The following PKM variants were observed in gnomAD, a reference collection of about 807,000 sequenced individuals.
PKM encodes the protein pyruvate kinase M1/2, also known as pyruvate kinase PKM.
PKM carries 18 observed loss-of-function variants against 49.8 expected under a neutral mutation model. That is an observed-to-expected ratio of 0.36 (90% CI 0.25 to 0.54). The LOEUF is 0.54. PKM is among the 20% of genes least tolerant of loss of function. PKM has a pLI of 0.89. For synonymous variants in PKM, 239 were observed against 261.8 expected, an observed-to-expected ratio of 0.91 and a Z score of 0.84; for missense variants, 508 against 713.8, an observed-to-expected ratio of 0.71 and a Z score of 3.28.
At chr15:72,226,670 T>C (rs1318839532) in intron 1 of PKM, among the ~76,000 whole-genome samples, 1 of 152,216 alleles carries the variant, frequency 6.6e-6, no homozygotes, top group Non-Finnish European at 1.5e-5. Context: ...TGGTCCACAG[T>C]GTGAAATGCT....
rs11558358 is a variant in PKM, at chr15:72,200,495, C to G, written c.1468G>C (p.Val490Leu). 8.1e-6 allele frequency: 13 copies of G among 1,613,488 alleles called. No homozygotes were observed. The highest frequency in any genetic ancestry group is 1.1e-5 in the Non-Finnish European group (13 of 1,179,860). Residue 490 changes from valine to leucine, a missense_variant, in exon 10 of 11, where the codon GTG (valine) becomes CTG (leucine). Transcript: ENST00000335181. The surrounding 1 kb of genome is among the most constrained non-coding windows in gnomAD (Gnocchi z 4.6). Reference protein sequence around the residue: ...EAWAEDVDLRVNFAMNVGKAR... With the variant: ...EAWAEDVDLRLNFAMNVGKAR... ...GTACCAACATTCATGGCAAAGTTCA[C>G]CCGGAGGTCCACGTCCTCAGCCCAG...
chr15:72,208,643 C>T lies in PKM; in HGVS notation c.814G>A (p.Glu272Lys), dbSNP rs1298575411. 4 of 1,614,060 alleles carry T rather than the reference C, an allele frequency of 2.5e-6. No homozygotes were observed. Among genetic ancestry groups the T allele is most frequent in the Non-Finnish European group, 3.4e-6 (4 of 1,180,006 alleles). The change falls in exon 6 of 11, where the codon GAG becomes AAG. Residue 272 changes from glutamate (E) to lysine (K), a missense_variant. Glu to Lys is a moderately conservative substitution (Grantham distance 56). Transcript: ENST00000335181. The part of the protein sequence containing the change: ...GKNIKIISKI[E>K]NHEGVRRFDE... ...TGCCTCCGAACCCCCTCATGATTCT[C>T]GATTTTGCTGATAATCTTGATGTTC...
intron 1 of PKM, among the ~76,000 whole-genome samples, chr15:72,221,463 T>C (rs867936214): frequency 1.5e-4 from 23 of 152,252 alleles, no homozygotes; most frequent in Admixed American, 1.3e-3. Flanking sequence ...GTCCCTCCCC[T>C]TTTGGGAGCG....
Position 72,221,253 on chromosome 15 carries a change from G to C in PKM, c.-13-2143C>G, listed in dbSNP as rs1411517622. ...CTCCTTGGCCTCACTAGCAAAGACC[G>C]CTCAGAGCTGAATACGGTGTGCCCT... On this transcript the variant is annotated intron_variant, in intron 1 of 10. Coordinates refer to ENST00000335181, the MANE Select transcript of PKM (RefSeq NM_002654.6). 3 of 1,534,870 alleles carry C rather than the reference G, an allele frequency of 2.0e-6. No individual in the cohort carries two copies. The African/African-American group carries it at 4.1e-5, about 21-fold the overall frequency.
At chr15:72,212,304 G>A (rs920784686) in intron 3 of PKM, among the ~76,000 whole-genome samples, 1 of 151,940 alleles carries the variant, frequency 6.6e-6, no homozygotes, top group Non-Finnish European at 1.5e-5. Flanking sequence ...GTGAAACCTC[G>A]TCTCAACTTA....
chr15:72,218,761 T>G (rs1335136838), intron 2 of PKM, among the ~76,000 whole-genome samples, 183 bp downstream of exon 2: 2 of 152,176 alleles, frequency 1.3e-5, no homozygotes, highest in African/African-American at 4.8e-5. Context: ...TTAACTGTAT[T>G]TGCCATCCTA....
chr15:72,200,324 A>G lies in PKM; in HGVS notation c.1489+150T>C, dbSNP rs1206903568. The G allele has an allele frequency of 1.4e-6, 1 of 732,216 alleles. No homozygotes were observed. The highest frequency in any genetic ancestry group is 2.4e-6 in the Non-Finnish European group (1 of 415,548). 45.4% of individuals were successfully genotyped at this position (732,216 alleles called of 1,614,324 possible). ...GAGAGATTCAGAATGAACATTCCCA[A>G]TAAGGGAGAGGAACAGTCGCTGGGC... On this transcript the variant is annotated intron_variant, in intron 10 of 10. Transcript: ENST00000335181. The surrounding 1 kb of genome is among the most constrained non-coding windows in gnomAD (Gnocchi z 4.6).
At chr15:72,211,952 T>C (rs149733712) in intron 3 of PKM, among the ~76,000 whole-genome samples, 9 of 152,268 alleles carry the variant, frequency 5.9e-5, no homozygotes, top group African/African-American at 2.2e-4. Context: ...TCCAGGAAAG[T>C]GGCACCTGCA....
chr15:72,229,596 C>G (rs1488056962), intron 1 of PKM: 1 of 1,284,000 alleles, frequency 7.8e-7, no homozygotes, highest in Non-Finnish European at 1.0e-6. Context: ...TTTCCTGCAT[C>G]TTCTAATCCA....
intron 3 of PKM, among the ~76,000 whole-genome samples, chr15:72,216,299 G>C (rs1332490254): frequency 2.6e-5 from 4 of 152,178 alleles, no homozygotes; most frequent in Admixed American, 2.0e-4. Flanking sequence ...GAAATCCCAT[G>C]ATCTATGGGA....
intron 1 of PKM, among the ~76,000 whole-genome samples, chr15:72,225,088 ATT>A (rs59687887): frequency 0.065 from 7,624 of 116,686 alleles, 569 homozygotes; most frequent in East Asian, 0.37. Context: ...GGCCCGGCTA[ATT>A]TTTTTTTTTT....
intron 1 of PKM, among the ~76,000 whole-genome samples, chr15:72,223,222 T>C (rs142845516): frequency 0.011 from 1,686 of 152,152 alleles, 14 homozygotes; most frequent in Non-Finnish European, 0.019. Flanking sequence ...TGGGTTGTGC[T>C]GGGAAAGATT....
chr15:72,219,536 C>G (rs866665771), intron 1 of PKM: 1 of 163,196 alleles, frequency 6.1e-6, no homozygotes, highest in Non-Finnish European at 1.4e-5. Context: ...AGCTTAGTGC[C>G]TTGATAAGCC....
chr15:72,202,474 G>C lies in PKM; in HGVS notation c.1287C>G (p.Ile429Met). Reference sequence around the variant, plus strand: ...CCTACCTGCCAGACTTGGTGAGGACGATTATGGCCCCACTGCAGCACTTGA... The same window carrying C: ...CCTACCTGCCAGACTTGGTGAGGACCATTATGGCCCCACTGCAGCACTTGA... ...ASFKCCSGAI[I>M]VLTKSGRSAH... The change falls in exon 9 of 11, where the codon ATC (isoleucine) becomes ATG (methionine). Residue 429 changes from isoleucine (I) to methionine (M), a missense_variant. Ile to Met is a conservative substitution (Grantham distance 10, BLOSUM62 1). Coordinates refer to ENST00000335181, the MANE Select transcript of PKM (RefSeq NM_002654.6). The surrounding 1 kb of genome is among the most constrained non-coding windows in gnomAD (Gnocchi z 4.5). The C allele has an allele frequency of 6.2e-7, 1 of 1,613,122 alleles. No individual in the cohort carries two copies. Among genetic ancestry groups the C allele is most frequent in the Non-Finnish European group, 8.5e-7 (1 of 1,179,802 alleles).
Position 72,208,801 on chromosome 15 carries a change from G to A in PKM, c.656C>T (p.Pro219Leu). 6.2e-7 allele frequency: 1 copy of A among 1,614,124 alleles called. No individual in the cohort carries two copies. The highest frequency in any genetic ancestry group is 8.5e-7 in the Non-Finnish European group (1 of 1,180,034). Residue 219 changes from proline (P) to leucine (L), a missense_variant, in exon 6 of 11, where the codon CCT becomes CTT. By Grantham distance (98) the Pro-to-Leu change is moderately conservative. Transcript: ENST00000335181. ...CTGGATGTCCTTCTCCGACACAGCA[G>A]GCAAGTCCACAGCAGCCCCAGGAAG... ...VNLPGAAVDL[P>L]AVSEKDIQDL... is the part of the protein sequence containing the mutation.
intron 2 of PKM, among the ~76,000 whole-genome samples, chr15:72,217,868 G>GTTGTTTC (rs1295526385): frequency 6.6e-6 from 1 of 152,190 alleles, no homozygotes; most frequent in African/African-American, 2.4e-5. Context: ...ACAAAGACCT[G>GTTGTTTC]CTAAGGAAAA....
At chr15:72,211,259 G>A (rs2082246425) in intron 3 of PKM, among the ~76,000 whole-genome samples, 1 of 152,000 alleles carries the variant, frequency 6.6e-6, no homozygotes, top group Non-Finnish European at 1.5e-5. Flanking sequence ...AGTAGAGACG[G>A]GGTTTCACCA....
At chr15:72,221,629 A>C (rs1002617741) in intron 1 of PKM, among the ~76,000 whole-genome samples, 3 of 152,172 alleles carry the variant, frequency 2.0e-5, no homozygotes, top group African/African-American at 7.2e-5. Context: ...TTTTATAGTA[A>C]GAAATTATGT....
Position 72,200,590 on chromosome 15 carries a change from T to C in PKM, c.1373A>G (p.Gln458Arg). Residue 458 changes from glutamine (Q) to arginine (R), a missense_variant, in exon 10 of 11, where the codon CAG becomes CGG. Transcript: ENST00000335181. The surrounding 1 kb of genome is among the most constrained non-coding windows in gnomAD (Gnocchi z 4.6). ...GTACAGGTGGGCCTGACGAGCTGTC[T>C]GGGGATTCCGGGTCACAGCAATGAT... The part of the protein sequence containing the change: ...APIIAVTRNP[Q>R]TARQAHLYRG... The C allele has an allele frequency of 3.1e-6, 5 of 1,614,018 alleles. No homozygotes were observed. The highest frequency in any genetic ancestry group is 4.2e-6 in the Non-Finnish European group (5 of 1,179,956).
Sources: allele counts gnomAD v4.1 joint callset (sites outside exome capture counted in the v4.1 genomes callset), GRCh38; gene constraint gnomAD v4.1.1; non-coding constraint Gnocchi (gnomAD v3.1); transcripts MANE v1.5; gene names NCBI Gene and HGNC (gene_info 2026-07-23, HGNC 2026-07-21).